The following ICAM3 variants were observed in gnomAD, a reference collection of about 807,000 sequenced individuals.
ICAM3 encodes ICAM-3.
ICAM3 carries 54 observed loss-of-function variants against 43.6 expected under a neutral mutation model. The observed-to-expected ratio is 1.24, with a 90% confidence interval of 0.99 to 1.55. ICAM3 has a LOEUF of 1.55. Among genes scored for constraint, ICAM3 ranks in the 40% most tolerant of loss-of-function variants. The pLI, the probability that ICAM3 is intolerant of heterozygous loss-of-function variation, is 0.00. For synonymous variants in ICAM3, 306 were observed against 312.6 expected, an observed-to-expected ratio of 0.98 and a Z score of 0.22; for missense variants, 715 against 717.9, an observed-to-expected ratio of 1.00 and a Z score of 0.05.
intron 3 of ICAM3, 27 bp downstream of exon 3, chr19:10,335,644 C>G (rs765498351): frequency 3.2e-6 from 5 of 1,570,756 alleles, no homozygotes; most frequent in Admixed American, 1.8e-5. Flanking sequence ...CAGCTCGTCA[C>G]CCACCGTCTG....
At chr19:10,338,660 A>C (rs1599315243) in intron 2 of ICAM3, 22 bp downstream of exon 2, 1 of 1,611,220 alleles carries the variant, frequency 6.2e-7, no homozygotes, top group East Asian at 2.2e-5. Flanking sequence ...GACCAGTCCC[A>C]CCTCCGGACA....
Position 10,338,888 on chromosome 19 carries a change from C to A in ICAM3, c.137G>T (p.Gly46Val). ...ACTGCAGTTCACAAACAGGGACCCTCCAGCAGAGAGCACAGGGTTCTGGGG... is the reference window on the plus strand; with the variant it reads ...ACTGCAGTTCACAAACAGGGACCCTACAGCAGAGAGCACAGGGTTCTGGGG... ...VEPQNPVLSA[G>V]GSLFVNCSTD... The change falls in exon 2 of 7, where the codon GGA becomes GTA. Residue 46 changes from glycine to valine, a missense_variant. Transcript: ENST00000160262. 6.2e-7 allele frequency: 1 copy of A among 1,614,108 alleles called. No individual in the cohort carries two copies. Among genetic ancestry groups the A allele is most frequent in the Non-Finnish European group, 8.5e-7 (1 of 1,180,014 alleles).
Position 10,335,311 on chromosome 19 carries a change from A to C in ICAM3, c.692T>G (p.Leu231Trp). Residue 231 changes from leucine to tryptophan, a missense_variant, in exon 4 of 7, where the codon TTG becomes TGG. By Grantham distance (61) the Leu-to-Trp change is moderately conservative. Transcript: ENST00000160262. ...CACCGGCCACGACGTTTCCACCTCCAAGAACCGGGGGGCCACGAGGCGCGG... is the reference window on the plus strand; with the variant it reads ...CACCGGCCACGACGTTTCCACCTCCCAGAACCGGGGGGCCACGAGGCGCGG... ...TPPRLVAPRF[L>W]EVETSWPVDC... 3.1e-6 allele frequency: 5 copies of C among 1,612,276 alleles called. No individual in the cohort carries two copies. The South Asian group carries it at 5.5e-5, about 18-fold the overall frequency.
chr19:10,335,001 C>T (rs1395524657), intron 4 of ICAM3, 65 bp downstream of exon 4: 5 of 1,561,920 alleles, frequency 3.2e-6, no homozygotes, highest in South Asian at 1.2e-5. Context: ...TTCGGCTAGT[C>T]TCCGCCCCCT....
intron 2 of ICAM3, 48 bp from the exon 3 acceptor site, chr19:10,336,024 C>T: frequency 6.8e-7 from 1 of 1,474,408 alleles, no homozygotes; most frequent in South Asian, 1.3e-5. Context: ...GCAAACCCAC[C>T]CACTCACCCC....
At position 10,333,956 on chromosome 19, in the gene ICAM3, C is replaced by T. The variant is rs2040550849; in HGVS notation, c.1545G>A (p.Arg515=). ...ALMYVFREHQ[R]SGSYHVREES... The stretch of plus-strand genomic sequence containing the variant: ...CCTCCCTAACATGGTAACTGCCGCT[C>T]CGTTGGTGCTCCCTGAAGACGTACA... Residue 515 remains arginine, a synonymous_variant, in exon 7 of 7, where the codon CGG becomes CGA. Coordinates refer to ENST00000160262, the MANE Select transcript of ICAM3 (RefSeq NM_002162.5). This position sits in a 1 kb window ranked among gnomAD's most constrained non-coding sequence, Gnocchi z 4.2. The T allele has an allele frequency of 1.2e-6, 2 of 1,614,162 alleles. No homozygotes were observed. Among genetic ancestry groups the T allele is most frequent in the South Asian group, 1.1e-5 (1 of 91,090 alleles).
In ICAM3 at chr19:10,338,296, G is replaced by A. The variant is rs564147714; in HGVS notation, c.343+386C>T. On this transcript the variant is annotated intron_variant, in intron 2 of 6. Coordinates refer to ENST00000160262, the MANE Select transcript of ICAM3 (RefSeq NM_002162.5). ...CGTGCATGTGTAATCTCAGCCACTC[G>A]GGAGGCTGAGGCAGGAGAATCACTT... is the stretch of plus-strand genomic sequence containing the variant. Among the ~76,000 whole-genome samples, 12 of 151,608 alleles carry A rather than the reference G, an allele frequency of 7.9e-5. No individual in the cohort carries two copies. The South Asian group carries it at 1.9e-3, about 24-fold the overall frequency.
chr19:10,336,218 G>C, intron 2 of ICAM3: 1 of 475,152 alleles, frequency 2.1e-6, no homozygotes, highest in Non-Finnish European at 3.8e-6. Flanking sequence ...CTCAAAGATG[G>C]CACAATAAAA....
intron 2 of ICAM3, among the ~76,000 whole-genome samples, chr19:10,336,985 C>A (rs1488751240): frequency 6.6e-6 from 1 of 151,788 alleles, no homozygotes; most frequent in African/African-American, 2.4e-5. Context: ...TGTCACACGC[C>A]TGTAATCCCA....
intron 2 of ICAM3, among the ~76,000 whole-genome samples, chr19:10,337,745 C>T (rs2040614068): frequency 6.6e-6 from 1 of 152,094 alleles, no homozygotes; most frequent in Admixed American, 6.6e-5. Context: ...CACCTTGGTC[C>T]CCCAAGTAGC....
Position 10,334,798 on chromosome 19 carries a change from T to C in ICAM3, c.938-16A>G. The C allele has an allele frequency of 6.4e-7, 1 of 1,564,606 alleles. No individual in the cohort carries two copies. Among genetic ancestry groups the C allele is most frequent in the Non-Finnish European group, 8.7e-7 (1 of 1,152,904 alleles). ...CCTAGGAAGCCTAAAGGCGGGGCAT[T>C]GCCCAGGAGCTTAATGAACAGGACC... On this transcript the variant is annotated splice_polypyrimidine_tract_variant and intron_variant, in intron 4 of 6. Coordinates refer to ENST00000160262, the MANE Select transcript of ICAM3 (RefSeq NM_002162.5). This position sits in a 1 kb window ranked among gnomAD's most constrained non-coding sequence, Gnocchi z 5.5.
rs770215290 is a variant in ICAM3, at chr19:10,334,765, C to T, written c.955G>A (p.Val319Met). The T allele has an allele frequency of 2.5e-6, 4 of 1,604,398 alleles. No individual in the cohort carries two copies. Among genetic ancestry groups the T allele is most frequent in the Non-Finnish European group, 3.4e-6 (4 of 1,174,188 alleles). The change falls in exon 5 of 7, where the codon GTG (valine) becomes ATG (methionine). Residue 319 changes from valine (V) to methionine (M), a missense_variant. Coordinates refer to ENST00000160262, the MANE Select transcript of ICAM3 (RefSeq NM_002162.5). The surrounding 1 kb of genome is among the most constrained non-coding windows in gnomAD (Gnocchi z 5.5). ...TGGGCGGTGGGCTCGCTGAGGTTCA[C>T]AATGGGTCCTAGGAAGCCTAAAGGC... is the stretch of plus-strand genomic sequence containing the variant. ...LTVFSFLGPI[V>M]NLSEPTAHEG...
chr19:10,334,886 T>C lies in ICAM3; in HGVS notation c.938-104A>G. 2 of 1,474,656 alleles carry C rather than the reference T, an allele frequency of 1.4e-6. No individual in the cohort carries two copies. The highest frequency in any genetic ancestry group is 1.8e-6 in the Non-Finnish European group (2 of 1,101,638). The allele number at this position is 1,474,656 out of a possible 1,614,324, so 91.3% of individuals were successfully genotyped here. On this transcript the variant is annotated intron_variant, in intron 4 of 6. Coordinates refer to ENST00000160262, the MANE Select transcript of ICAM3 (RefSeq NM_002162.5). This position sits in a 1 kb window ranked among gnomAD's most constrained non-coding sequence, Gnocchi z 5.5. ...TCCTCTCGGGATATCCGGGCCACGC[T>C]TTCGGCCGTTCAAGCCTCGCCCTCT...
chr19:10,334,181 C>T lies in ICAM3; in HGVS notation c.1420G>A (p.Val474Ile). Residue 474 changes from valine to isoleucine, a missense_variant, in exon 6 of 7, where the codon GTC (valine) becomes ATC (isoleucine). Transcript: ENST00000160262. The surrounding 1 kb of genome is among the most constrained non-coding windows in gnomAD (Gnocchi z 5.5). ...ASSSRGKYTL[V>I]VVMDIEAGSS... ...TCACCCTCAATGTCCATCACCACGACCAGGGTGTATTTGCCTCGTGAGCTG... is the reference window on the plus strand; with the variant it reads ...TCACCCTCAATGTCCATCACCACGATCAGGGTGTATTTGCCTCGTGAGCTG... The T allele has an allele frequency of 4.3e-6, 7 of 1,614,020 alleles. No homozygotes were observed. The South Asian group carries it at 6.6e-5, about 15-fold the overall frequency.
Position 10,334,321 on chromosome 19 carries a change from C to T in ICAM3, c.1280G>A (p.Gly427Asp). The change falls in exon 6 of 7, where the codon GGC (glycine) becomes GAC (aspartate). Residue 427 changes from glycine to aspartate, a missense_variant. Coordinates refer to ENST00000160262, the MANE Select transcript of ICAM3 (RefSeq NM_002162.5). The surrounding 1 kb of genome is among the most constrained non-coding windows in gnomAD (Gnocchi z 5.5). ...TRHVLQCQAR[G>D]NPYPELRCLK... ...ACACCGCAGCTCGGGGTACGGGTTG[C>T]CCCTGGCTTGGCACTGCAGGACGTG... is the stretch of plus-strand genomic sequence containing the variant. 1 of 1,614,200 alleles carries T rather than the reference C, an allele frequency of 6.2e-7. No homozygotes were observed. Among genetic ancestry groups the T allele is most frequent in the Non-Finnish European group, 8.5e-7 (1 of 1,180,050 alleles).
Position 10,334,039 on chromosome 19 carries a change from G to C in ICAM3, c.1462C>G (p.Pro488Ala). ...GTCAGTAACACCGCCACGAAGACGG[G>C]GACAAAGTGGGAGCTCCCAGCTGTG... Reference protein sequence around the residue: ...DIEAGSSHFVPVFVAVLLTLG... With the variant: ...DIEAGSSHFVAVFVAVLLTLG... The change falls in exon 7 of 7, where the codon CCC becomes GCC. Residue 488 changes from proline to alanine, a missense_variant. Pro to Ala is a conservative substitution (Grantham distance 27). Transcript: ENST00000160262. The surrounding 1 kb of genome is among the most constrained non-coding windows in gnomAD (Gnocchi z 5.5). 6.2e-7 allele frequency: 1 copy of C among 1,614,068 alleles called. No individual in the cohort carries two copies. Among genetic ancestry groups the C allele is most frequent in the South Asian group, 1.1e-5 (1 of 91,082 alleles).
At position 10,335,221 on chromosome 19, in the gene ICAM3, T is replaced by A; in HGVS notation, c.782A>T (p.Gln261Leu). 1 of 1,613,876 alleles carries A rather than the reference T, an allele frequency of 6.2e-7. No homozygotes were observed. The highest frequency in any genetic ancestry group is 1.3e-5 in the African/African-American group (1 of 75,032). The change falls in exon 4 of 7, where the codon CAG becomes CTG. Residue 261 changes from glutamine to leucine, a missense_variant. Transcript: ENST00000160262. ...EAQVYLALGD[Q>L]MLNATVMNHG... Reference sequence around the variant, plus strand: ...GTTCATGACTGTCGCATTCAGCATCTGGTCCCCCAGCGCCAGGTAGACCTG... The same window carrying A: ...GTTCATGACTGTCGCATTCAGCATCAGGTCCCCCAGCGCCAGGTAGACCTG...
Position 10,335,968 on chromosome 19 carries a change from C to G in ICAM3, c.352G>C (p.Glu118Gln), listed in dbSNP as rs1312145033. ...GGCAGGGGTGCCAGCTCCACACGCT[C>G]CGGGAGCCCTGAGAGAGGAGGGGAG... is the stretch of plus-strand genomic sequence containing the variant. ...SSNITVYRLP[E>Q]RVELAPLPPW... is the part of the protein sequence containing the mutation. The change falls in exon 3 of 7, where the codon GAG (glutamate) becomes CAG (glutamine). Residue 118 changes from glutamate to glutamine, a missense_variant. Transcript: ENST00000160262. 1.9e-6 allele frequency: 3 copies of G among 1,556,838 alleles called. No individual in the cohort carries two copies. In the African/African-American group the frequency reaches 4.0e-5, roughly 21 times the overall value.
chr19:10,334,661 G>A lies in ICAM3; in HGVS notation c.1059C>T (p.Ala353=), dbSNP rs756117318. The stretch of plus-strand genomic sequence containing the variant: ...GCTGAAGTTGAGCTGGCTGCCCCGG[G>A]GCCGCGGCCGGAACTCCGTCCAGCG... ...QVTLDGVPAA[A]PGQPAQLQLN... Residue 353 remains alanine, a synonymous_variant, in exon 5 of 7, where the codon GCC becomes GCT. Transcript: ENST00000160262. The surrounding 1 kb of genome is among the most constrained non-coding windows in gnomAD (Gnocchi z 5.5). 6 of 1,613,174 alleles carry A rather than the reference G, an allele frequency of 3.7e-6. No homozygotes were observed. Among genetic ancestry groups the A allele is most frequent in the Non-Finnish European group, 5.1e-6 (6 of 1,180,028 alleles).
Sources: gnomAD v4.1 joint callset for allele counts (sites outside exome capture counted in the v4.1 genomes callset) on GRCh38, gnomAD v4.1.1 for gene constraint, Gnocchi (gnomAD v3.1) non-coding constraint, MANE v1.5 for transcripts, NCBI Gene and HGNC (gene_info 2026-07-23, HGNC 2026-07-21) for gene names.